Variants in RBMS3 observed in about 807,000 individuals in gnomAD.
The protein encoded by RBMS3 is RNA binding motif single stranded interacting protein 3.
Under a neutral mutation model 66.8 loss-of-function variants are expected in RBMS3, and 27 were observed. The ratio of observed to expected loss-of-function variants is 0.40; its 90% CI spans 0.30 to 0.56. The LOEUF (loss-of-function observed/expected upper bound fraction) is 0.56, where lower values mean the gene tolerates loss of function less well. Among genes scored for constraint, RBMS3 ranks in the 20% least tolerant of loss-of-function variants. The probability of loss-of-function intolerance (pLI) is 0.40; values close to 1 mark genes in which losing one functional copy is unlikely to be tolerated. For synonymous variants in RBMS3, 188 were observed against 183.0 expected (o/e 1.03, Z -0.22); for missense variants, 513 against 549.5 (o/e 0.93, Z 0.66).
At chr3:29,309,555 G>A (rs1459749953) in intron 1 of RBMS3, among the ~76,000 whole-genome samples, 1 of 150,884 alleles carries the variant, frequency 6.6e-6, no homozygotes, top group East Asian at 2.0e-4. Flanking sequence ...GATTAAGAGG[G>A]AAATTATAGA....
At chr3:29,892,563 T>G (rs2060026982) in intron 8 of RBMS3, among the ~76,000 whole-genome samples, 2 of 151,470 alleles carry the variant, frequency 1.3e-5, no homozygotes. Flanking sequence ...CTGGGTTCAG[T>G]GTAAAAGAGG....
intron 7 of RBMS3, among the ~76,000 whole-genome samples, chr3:29,871,811 G>A (rs923779285): frequency 6.6e-5 from 10 of 152,178 alleles, no homozygotes; most frequent in African/African-American, 2.4e-4. Flanking sequence ...CCAATTGATA[G>A]ACTAATTAAA....
At chr3:29,911,938 G>T (rs911242008) in intron 10 of RBMS3, among the ~76,000 whole-genome samples, 17 of 151,814 alleles carry the variant, frequency 1.1e-4, no homozygotes, top group African/African-American at 4.1e-4. Flanking sequence ...AGTTCATCAG[G>T]TTATATTCAC....
At chr3:29,719,459 C>T (rs1054768763) in intron 4 of RBMS3, among the ~76,000 whole-genome samples, 4 of 152,074 alleles carry the variant, frequency 2.6e-5, no homozygotes, top group African/African-American at 4.8e-5. Context: ...CTCAGTTCCA[C>T]GACTGTGTTG....
Position 29,444,788 on chromosome 3 carries a change from C to CTTTTTTTTTTTTT in RBMS3, c.248+9885_248+9897dup, listed in dbSNP as rs558839351. 4.2e-4 allele frequency among the ~76,000 whole-genome samples: 21 copies of CTTTTTTTTTTTTT among 50,500 alleles called. 2 individuals are homozygous for CTTTTTTTTTTTTT. Among genetic ancestry groups the CTTTTTTTTTTTTT allele is most frequent in the African/African-American group, 8.5e-4 (14 of 16,418 alleles). 33.1% of individuals were successfully genotyped at this position (50,500 alleles called of 152,430 possible). On this transcript the variant is annotated intron_variant, in intron 2 of 14. Transcript: ENST00000383767. ...AATTCTTTCAAGCGGAAATATATGCCTTTTTTTTTTTTTTTTTTTTTTTTG... is the reference window on the plus strand; with the variant it reads ...AATTCTTTCAAGCGGAAATATATGCCTTTTTTTTTTTTTTTTTTTTTTTTTTTTTTTTTTTTTG...
Position 29,837,086 on chromosome 3 carries a change from A to G in RBMS3, c.638-31772A>G, listed in dbSNP as rs115430551. ...GTCTAAATGGTGCTGCACTCAAATG[A>G]TAGTTTTGATAACAGTGTTACATGG... On this transcript the variant is annotated intron_variant, in intron 6 of 14. Coordinates refer to ENST00000383767, the MANE Select transcript of RBMS3 (RefSeq NM_001003793.3). Among the ~76,000 whole-genome samples the G allele has an allele frequency of 7.2e-3, 1,095 of 152,090 alleles. 11 individuals are homozygous for G. The highest frequency in any genetic ancestry group is 0.024 in the African/African-American group (995 of 41,508).
intron 3 of RBMS3, among the ~76,000 whole-genome samples, chr3:29,524,665 A>G (rs1344418029): frequency 6.6e-6 from 1 of 151,178 alleles, no homozygotes; most frequent in Admixed American, 6.6e-5. Flanking sequence ...GCTGGTCTTG[A>G]ACTCCTGAGC....
chr3:29,390,982 C>G lies in RBMS3; in HGVS notation c.76-43761C>G, dbSNP rs574460481. 3 of 287,926 alleles carry G rather than the reference C, an allele frequency of 1.0e-5. 1 individual carries two copies. The highest frequency in any genetic ancestry group is 2.1e-5 in the African/African-American group (1 of 47,092). 17.8% of individuals were successfully genotyped at this position (287,926 alleles called of 1,614,324 possible). A position where few individuals can be genotyped will look rare whatever the true frequency, so the allele number is the denominator to read the frequency against. ...AGTAGTCACAGTCTTAGACAAAAGC[C>G]ACGCCCATCTCTGTGTTTACATTCA... On this transcript the variant is annotated intron_variant, in intron 1 of 14. Transcript: ENST00000383767.
chr3:29,769,157 C>A (rs953734761), intron 6 of RBMS3, among the ~76,000 whole-genome samples: 1 of 151,144 alleles, frequency 6.6e-6, no homozygotes, highest in Admixed American at 6.6e-5. Context: ...AGGTAGCAAG[C>A]CAGGGTTGAA....
At chr3:29,392,588 C>T (rs1223424724) in intron 1 of RBMS3, among the ~76,000 whole-genome samples, 3 of 152,132 alleles carry the variant, frequency 2.0e-5, no homozygotes, top group Non-Finnish European at 4.4e-5. Flanking sequence ...ACTGTGTCCT[C>T]CTTAAAGCTT....
At chr3:29,916,184 A>T (rs2060634027) in intron 10 of RBMS3, among the ~76,000 whole-genome samples, 1 of 152,108 alleles carries the variant, frequency 6.6e-6, no homozygotes, top group African/African-American at 2.4e-5. Flanking sequence ...GCAAGGAGGA[A>T]AGCCCTTCTA....
At chr3:29,336,676 A>G (rs550697169) in intron 1 of RBMS3, among the ~76,000 whole-genome samples, 1 of 152,278 alleles carries the variant, frequency 6.6e-6, no homozygotes, top group Admixed American at 6.5e-5. Flanking sequence ...ATACAGAGAT[A>G]TATCTTGTCA....
chr3:29,847,211 T>C (rs2058803455), intron 6 of RBMS3, among the ~76,000 whole-genome samples: 1 of 152,228 alleles, frequency 6.6e-6, no homozygotes, highest in Non-Finnish European at 1.5e-5. Context: ...TAGTTTATAT[T>C]GAGCAAGAGG....
intron 3 of RBMS3, among the ~76,000 whole-genome samples, chr3:29,525,750 A>G (rs150734325): frequency 6.6e-6 from 1 of 152,298 alleles, no homozygotes; most frequent in African/African-American, 2.4e-5. Flanking sequence ...GCTATTAGCT[A>G]GCAGGGTTCA....
chr3:29,543,357 T>C (rs2045835027), intron 3 of RBMS3, among the ~76,000 whole-genome samples: 1 of 151,458 alleles, frequency 6.6e-6, no homozygotes, highest in Non-Finnish European at 1.5e-5. Context: ...AAAAATGTTC[T>C]GAAAAAAATC....
At chr3:29,397,328 A>G (rs1005432778) in intron 1 of RBMS3, among the ~76,000 whole-genome samples, 11 of 152,174 alleles carry the variant, frequency 7.2e-5, no homozygotes, top group Non-Finnish European at 1.3e-4. Context: ...CCTGTAGTCT[A>G]TGATTGAATT....
chr3:29,434,766 C>A lies in RBMS3; in HGVS notation c.99C>A (p.His33Gln). Residue 33 changes from histidine to glutamine, a missense_variant, in exon 2 of 15, where the codon CAC becomes CAA. Coordinates refer to ENST00000383767, the MANE Select transcript of RBMS3 (RefSeq NM_001003793.3). The part of the protein sequence containing the change: ...QTKQSYAPAP[H>Q]PMAPPSPSTN... ...AGCAGTCCTATGCACCAGCTCCCCA[C>A]CCCATGGCTCCTCCCAGCCCCAGCA... 1 of 1,613,982 alleles carries A rather than the reference C, an allele frequency of 6.2e-7. No homozygotes were observed. The highest frequency in any genetic ancestry group is 8.5e-7 in the Non-Finnish European group (1 of 1,179,930).
At chr3:29,696,150 A>G (rs2052264168) in intron 4 of RBMS3, among the ~76,000 whole-genome samples, 1 of 152,210 alleles carries the variant, frequency 6.6e-6, no homozygotes, top group Non-Finnish European at 1.5e-5. Context: ...ATGGACACTC[A>G]CAGGCATCCA....
intron 1 of RBMS3, among the ~76,000 whole-genome samples, chr3:29,302,376 G>T (rs1365613412): frequency 6.6e-6 from 1 of 151,854 alleles, no homozygotes; most frequent in African/African-American, 2.4e-5. Context: ...CATTTACCTA[G>T]ATTTTAATTT....
Sources: allele counts gnomAD v4.1 joint callset (sites outside exome capture counted in the v4.1 genomes callset), GRCh38; gene constraint gnomAD v4.1.1; transcripts MANE v1.5; gene names NCBI Gene and HGNC (gene_info 2026-07-23, HGNC 2026-07-21).